Variants in GALNTL6 observed in about 807,000 individuals in gnomAD.
GALNTL6 encodes polypeptide N-acetylgalactosaminyltransferase like 6.
GALNTL6 carries 46 observed loss-of-function variants against 73.7 expected under a neutral mutation model. The observed-to-expected ratio is 0.62, with a 90% CI of 0.49 to 0.80. The LOEUF is 0.80. Among genes scored for constraint, GALNTL6 ranks in the 30% least tolerant of loss-of-function variants. GALNTL6 has a pLI of 0.00. For synonymous variants in GALNTL6, 259 were observed against 263.7 expected, an observed-to-expected ratio of 0.98 and a Z score of 0.17; for missense variants, 604 against 755.0, an observed-to-expected ratio of 0.80 and a Z score of 2.34.
At chr4:172,764,691 A>T (rs1333904069) in intron 5 of GALNTL6, among the ~76,000 whole-genome samples, 2 of 152,184 alleles carry the variant, frequency 1.3e-5, no homozygotes, top group East Asian at 1.9e-4. Context: ...AGTAAAAAAA[A>T]ATCAAAAGGT....
chr4:173,022,029 A>AGG (rs1753012515), intron 12 of GALNTL6, among the ~76,000 whole-genome samples: 1 of 131,764 alleles, frequency 7.6e-6, no homozygotes, highest in Non-Finnish European at 1.6e-5. Flanking sequence ...GAAGGAAGGA[A>AGG]AGAAGGAAGG....
At chr4:172,475,119 G>A (rs1255090677) in intron 5 of GALNTL6, among the ~76,000 whole-genome samples, 1 of 152,180 alleles carries the variant, frequency 6.6e-6, no homozygotes, top group Non-Finnish European at 1.5e-5. Context: ...ATGTTGAAAT[G>A]TTGTGATTTA....
intron 7 of GALNTL6, 39 bp from the exon 8 acceptor site, chr4:172,882,751 G>T (rs777646949): frequency 1.6e-6 from 2 of 1,264,226 alleles, no homozygotes; most frequent in African/African-American, 2.9e-5. Context: ...TGTCTGTAAC[G>T]TTCATAGTCC....
intron 11 of GALNTL6, among the ~76,000 whole-genome samples, chr4:173,016,762 G>T (rs1431321402): frequency 1.3e-5 from 2 of 152,186 alleles, no homozygotes; most frequent in Non-Finnish European, 1.5e-5. Flanking sequence ...GACTTTGGGG[G>T]ACTATTGGAA....
At chr4:172,996,629 C>G (rs1751801192) in intron 10 of GALNTL6, among the ~76,000 whole-genome samples, 1 of 152,158 alleles carries the variant, frequency 6.6e-6, no homozygotes, top group Admixed American at 6.5e-5. Context: ...CAAATTGTTC[C>G]ATATGCTCTG....
chr4:172,349,103 T>C (rs1281082034), intron 5 of GALNTL6, among the ~76,000 whole-genome samples: 1 of 152,172 alleles, frequency 6.6e-6, no homozygotes, highest in Non-Finnish European at 1.5e-5. Context: ...CTCCAGGCTG[T>C]GCTTGTGTTA....
chr4:172,380,936 A>C (rs1195095677), intron 5 of GALNTL6, among the ~76,000 whole-genome samples: 1 of 152,238 alleles, frequency 6.6e-6, no homozygotes, highest in Non-Finnish European at 1.5e-5. Flanking sequence ...TTTTTATAAC[A>C]GTTAAATTAA....
chr4:172,338,822 C>A (rs1320263320), intron 4 of GALNTL6, among the ~76,000 whole-genome samples: 1 of 152,158 alleles, frequency 6.6e-6, no homozygotes, highest in Non-Finnish European at 1.5e-5. Context: ...GCGCAGCCAC[C>A]AAGCACCAAG....
intron 5 of GALNTL6, among the ~76,000 whole-genome samples, chr4:172,437,115 A>G (rs1314978979): frequency 2.0e-5 from 3 of 152,150 alleles, no homozygotes; most frequent in African/African-American, 4.8e-5. Flanking sequence ...CTTTCCAGTC[A>G]ATATAACTCT....
At chr4:172,046,196 G>A (rs1004289382) in intron 2 of GALNTL6, among the ~76,000 whole-genome samples, 6 of 152,044 alleles carry the variant, frequency 3.9e-5, no homozygotes, top group African/African-American at 1.2e-4. Context: ...TGTTGTGGAT[G>A]ATGTTGCAAT....
At chr4:172,761,565 C>G (rs928455636) in intron 5 of GALNTL6, among the ~76,000 whole-genome samples, 2 of 152,072 alleles carry the variant, frequency 1.3e-5, no homozygotes, top group African/African-American at 4.8e-5. Flanking sequence ...TGGGAGGTAA[C>G]TGGATTATGG....
chr4:172,100,163 T>TG (rs1237589249), intron 2 of GALNTL6, among the ~76,000 whole-genome samples: 1 of 152,164 alleles, frequency 6.6e-6, no homozygotes, highest in Admixed American at 6.6e-5. Flanking sequence ...CAGGTAGTTA[T>TG]GTTGATAAAT....
rs149894532 is a variant in GALNTL6 at position 171,952,416 on chromosome 4, T to C, written c.138+137698T>C. 2.4e-4 allele frequency among the ~76,000 whole-genome samples: 37 copies of C among 152,058 alleles called. No homozygotes were observed. The East Asian group carries it at 7.2e-3, about 29-fold the overall frequency. ...TTAAAAAATAGAAAATTTCAATATATACAATATGAGAAAAAAATTATAAAC... is the reference window on the plus strand; with the variant it reads ...TTAAAAAATAGAAAATTTCAATATACACAATATGAGAAAAAAATTATAAAC... On this transcript the variant is annotated intron_variant, in intron 2 of 12. Coordinates refer to ENST00000506823, the MANE Select transcript of GALNTL6 (RefSeq NM_001034845.3).
intron 5 of GALNTL6, among the ~76,000 whole-genome samples, chr4:172,383,714 T>C (rs1743366723): frequency 6.6e-6 from 1 of 152,162 alleles, no homozygotes; most frequent in Admixed American, 6.5e-5. Context: ...AAGTGTGATA[T>C]TAGCTGTGGA....
intron 2 of GALNTL6, among the ~76,000 whole-genome samples, chr4:171,967,789 A>G (rs532218350): frequency 4.3e-4 from 66 of 152,298 alleles, no homozygotes; most frequent in African/African-American, 1.6e-3. Context: ...ATAACAAATG[A>G]AACCCTTGAG....
intron 2 of GALNTL6, among the ~76,000 whole-genome samples, chr4:171,944,872 G>T (rs1180674520): frequency 1.3e-5 from 2 of 151,702 alleles, no homozygotes; most frequent in Non-Finnish European, 2.9e-5. Context: ...AATTGATAAT[G>T]ATATCAGTTA....
intron 8 of GALNTL6, among the ~76,000 whole-genome samples, chr4:172,885,473 G>A (rs1180178823): frequency 6.6e-6 from 1 of 152,054 alleles, no homozygotes; most frequent in South Asian, 2.1e-4. Flanking sequence ...GAGTCTTTAG[G>A]TTTTTCTAAA....
At chr4:172,164,447 A>C (rs1734562506) in intron 2 of GALNTL6, among the ~76,000 whole-genome samples, 1 of 152,042 alleles carries the variant, frequency 6.6e-6, no homozygotes, top group African/African-American at 2.4e-5. Context: ...TTCATAATCC[A>C]GAAAGTAAAA....
At chr4:171,907,153 G>A (rs1460446836) in intron 2 of GALNTL6, among the ~76,000 whole-genome samples, 5 of 151,942 alleles carry the variant, frequency 3.3e-5, no homozygotes, top group African/African-American at 1.2e-4. Context: ...AGGGCAATTA[G>A]GCAGGAGAAG....
Sources: gnomAD v4.1 joint callset for allele counts (sites outside exome capture counted in the v4.1 genomes callset) on GRCh38, gnomAD v4.1.1 for gene constraint, MANE v1.5 for transcripts, NCBI Gene and HGNC (gene_info 2026-07-23, HGNC 2026-07-21) for gene names.